GRIA4: variants seen among roughly 807,000 people sequenced by gnomAD.
GRIA4 encodes the protein glutamate ionotropic receptor AMPA type subunit 4.
Under a neutral mutation model 104.0 loss-of-function variants are expected in GRIA4, and 34 were observed. The observed-to-expected ratio is 0.33, with a 90% CI of 0.25 to 0.44. The LOEUF is 0.44. GRIA4 is among the 20% of genes least tolerant of loss of function. The pLI, the probability that GRIA4 is intolerant of heterozygous loss-of-function variation, is 1.00. For synonymous variants in GRIA4, 386 were observed against 381.9 expected (o/e 1.01, Z -0.13); for missense variants, 750 against 1,096.5 (o/e 0.68, Z 4.46).
intron 14 of GRIA4, among the ~76,000 whole-genome samples, chr11:105,965,377 T>C (rs192456702): frequency 7.1e-6 from 1 of 140,752 alleles, no homozygotes; most frequent in Non-Finnish European, 1.6e-5. Flanking sequence ...TTGACTACCA[T>C]GTAGCTTCTA....
At chr11:105,877,833 T>A (rs1591385065) in intron 5 of GRIA4, among the ~76,000 whole-genome samples, 1 of 152,306 alleles carries the variant, frequency 6.6e-6, no homozygotes, top group Admixed American at 6.5e-5. Flanking sequence ...GGTTCTTAGC[T>A]TCCTTGCATT....
At chr11:105,966,188 C>T (rs577861242) in intron 14 of GRIA4, 8 of 642,194 alleles carry the variant, frequency 1.2e-5, no homozygotes, top group Middle Eastern at 2.6e-4. Context: ...CGCAAACTTA[C>T]GTATGCAGTT....
intron 4 of GRIA4, among the ~76,000 whole-genome samples, chr11:105,760,486 C>A (rs1940565287): frequency 6.6e-6 from 1 of 151,980 alleles, no homozygotes; most frequent in Non-Finnish European, 1.5e-5. Context: ...TCCTTAGTGA[C>A]CTATAATTTA....
chr11:105,804,005 G>A (rs183164716), intron 4 of GRIA4, among the ~76,000 whole-genome samples: 1 of 151,786 alleles, frequency 6.6e-6, no homozygotes. Context: ...TGAGGAATTT[G>A]GGCATAGAAA....
intron 4 of GRIA4, among the ~76,000 whole-genome samples, chr11:105,817,699 A>G (rs1246584625): frequency 6.6e-6 from 1 of 152,154 alleles, no homozygotes; most frequent in African/African-American, 2.4e-5. Flanking sequence ...TATTTTGAAT[A>G]CATTACAGAA....
intron 4 of GRIA4, chr11:105,797,806 A>C (rs1173517125): frequency 4.4e-6 from 2 of 455,668 alleles, no homozygotes; most frequent in African/African-American, 4.0e-5. Context: ...TGTGCTCTAC[A>C]ACAAGAGCAT....
At chr11:105,820,965 A>G (rs1349339993) in intron 4 of GRIA4, among the ~76,000 whole-genome samples, 2 of 152,116 alleles carry the variant, frequency 1.3e-5, no homozygotes, top group East Asian at 3.9e-4. Context: ...ATGGTATATG[A>G]GGCCTGAACG....
intron 7 of GRIA4, among the ~76,000 whole-genome samples, chr11:105,901,978 T>C (rs1946875180): frequency 6.6e-6 from 1 of 152,190 alleles, no homozygotes; most frequent in South Asian, 2.1e-4. Context: ...TTGATGACTT[T>C]CTCTACTCAA....
At chr11:105,729,031 C>T (rs189543829) in intron 3 of GRIA4, among the ~76,000 whole-genome samples, 8 of 152,012 alleles carry the variant, frequency 5.3e-5, no homozygotes, top group South Asian at 2.1e-4. Flanking sequence ...GATAGAGACA[C>T]GAAAAACACT....
In GRIA4 at chr11:105,625,418, C is replaced by G. The variant is rs112241746; in HGVS notation, c.247+12984C>G. Reference sequence around the variant, plus strand: ...CTGGTTAATTTTCTTATGACTCACACTCGTCACATTTTTTAAAAACAGGTA... The same window carrying G: ...CTGGTTAATTTTCTTATGACTCACAGTCGTCACATTTTTTAAAAACAGGTA... On this transcript the variant is annotated intron_variant, in intron 3 of 16. Coordinates refer to ENST00000282499, the MANE Select transcript of GRIA4 (RefSeq NM_000829.4). 5.6e-3 allele frequency among the ~76,000 whole-genome samples: 845 copies of G among 152,176 alleles called. 13 individuals are homozygous for G. The highest frequency in any genetic ancestry group is 0.019 in the African/African-American group (801 of 41,534).
chr11:105,648,757 C>T (rs1328724380), intron 3 of GRIA4, among the ~76,000 whole-genome samples: 3 of 152,140 alleles, frequency 2.0e-5, no homozygotes, highest in Non-Finnish European at 4.4e-5. Flanking sequence ...ATAACTCATG[C>T]AATCATTTTA....
chr11:105,794,787 A>T (rs1248895850), intron 4 of GRIA4, among the ~76,000 whole-genome samples: 1 of 151,532 alleles, frequency 6.6e-6, no homozygotes, highest in Non-Finnish European at 1.5e-5. Flanking sequence ...AAAAAATTAC[A>T]TCTTAATTAC....
Position 105,914,086 on chromosome 11 carries a change from C to T in GRIA4, c.1269+3541C>T, listed in dbSNP as rs567046620. Among the ~76,000 whole-genome samples the T allele has an allele frequency of 3.3e-5, 5 of 151,630 alleles. 1 individual carries two copies. The highest frequency in any genetic ancestry group is 4.2e-4 in the South Asian group (2 of 4,804). On this transcript the variant is annotated intron_variant, in intron 10 of 16. Transcript: ENST00000282499. The stretch of plus-strand genomic sequence containing the variant: ...TTATATATATATACAGACATACATA[C>T]AGAAAATTAAAATGTATTTTCTTCC...
intron 3 of GRIA4, among the ~76,000 whole-genome samples, chr11:105,622,136 C>G (rs1950764030): frequency 6.6e-6 from 1 of 151,682 alleles, no homozygotes; most frequent in Admixed American, 6.6e-5. Flanking sequence ...TGTCTTTGGC[C>G]ACACAAACAT....
intron 3 of GRIA4, among the ~76,000 whole-genome samples, chr11:105,660,039 C>T (rs1211759982): frequency 1.3e-5 from 2 of 151,028 alleles, no homozygotes; most frequent in Non-Finnish European, 3.0e-5. Flanking sequence ...GAACTGCATA[C>T]AAAAGAAAAA....
intron 4 of GRIA4, among the ~76,000 whole-genome samples, chr11:105,827,920 T>C (rs1307405187): frequency 3.3e-5 from 5 of 152,074 alleles, no homozygotes; most frequent in South Asian, 2.1e-4. Context: ...ACTTGACATG[T>C]TTCTGGTATA....
chr11:105,902,027 T>G (rs1946876515), intron 7 of GRIA4, among the ~76,000 whole-genome samples: 1 of 152,190 alleles, frequency 6.6e-6, no homozygotes, highest in Non-Finnish European at 1.5e-5. Flanking sequence ...CACATTCAGT[T>G]TTGGTGTAGT....
At chr11:105,628,723 C>T (rs1290359451) in intron 3 of GRIA4, among the ~76,000 whole-genome samples, 3 of 152,060 alleles carry the variant, frequency 2.0e-5, no homozygotes, top group Admixed American at 6.6e-5. Context: ...AATGCACATG[C>T]CTTTAGCATT....
rs539395447 is a variant in GRIA4 at position 105,610,951 on chromosome 11, T to G, written c.-47T>G. 1 of 1,154,396 alleles carries G rather than the reference T, an allele frequency of 8.7e-7. No homozygotes were observed. The highest frequency in any genetic ancestry group is 1.2e-5 in the South Asian group (1 of 81,358). The allele number at this position is 1,154,396 out of a possible 1,614,324, so 71.5% of individuals were successfully genotyped here. ...TTCTCTGAACAGCCTTTAGGAAGAGTGCGAGAGAAAGAGAGAGAGCGCGCG... is the reference window on the plus strand; with the variant it reads ...TTCTCTGAACAGCCTTTAGGAAGAGGGCGAGAGAAAGAGAGAGAGCGCGCG... On this transcript the variant is annotated 5_prime_UTR_variant, in exon 2 of 17. Coordinates refer to ENST00000282499, the MANE Select transcript of GRIA4 (RefSeq NM_000829.4).
Sources: gnomAD v4.1 joint callset for allele counts (sites outside exome capture counted in the v4.1 genomes callset) on GRCh38, gnomAD v4.1.1 for gene constraint, MANE v1.5 for transcripts, NCBI Gene and HGNC (gene_info 2026-07-23, HGNC 2026-07-21) for gene names.